SORT1: variants seen among roughly 807,000 people sequenced by gnomAD.
SORT1 encodes sortilin 1.
SORT1 carries 39 observed loss-of-function variants against 101.7 expected under a neutral mutation model. The observed-to-expected ratio is 0.38, with a 90% confidence interval of 0.30 to 0.50. SORT1 has a LOEUF of 0.50. Among genes scored for constraint, SORT1 ranks in the 20% least tolerant of loss-of-function variants. SORT1 has a pLI of 0.90. For missense variants in SORT1, 878 were observed against 1,040.4 expected, an observed-to-expected ratio of 0.84 and a Z score of 2.15; for synonymous variants, 396 against 393.7, an observed-to-expected ratio of 1.01 and a Z score of -0.07.
intron 1 of SORT1, among the ~76,000 whole-genome samples, chr1:109,382,532 G>A (rs749707635): frequency 5.3e-5 from 8 of 152,156 alleles, no homozygotes; most frequent in Non-Finnish European, 1.2e-4. Context: ...TGAGGCACAG[G>A]AACATAGGTG....
intron 11 of SORT1, among the ~76,000 whole-genome samples, chr1:109,333,051 C>G (rs1325899344): frequency 5.3e-5 from 8 of 152,158 alleles, no homozygotes; most frequent in African/African-American, 1.9e-4. Context: ...CCTCAGTCTC[C>G]CAAGTAGCTG....
In SORT1 at chr1:109,349,359, T is replaced by G. The variant is rs60180947; in HGVS notation, c.782+1570A>C. 4.2e-3 allele frequency among the ~76,000 whole-genome samples: 643 copies of G among 151,644 alleles called. 7 individuals are homozygous for G. The highest frequency in any genetic ancestry group is 0.014 in the African/African-American group (588 of 41,282). Reference sequence around the variant, plus strand: ...GACTCCGTCTCAAGAAAAAAAAAATTCCTTCCTTCCTGATAAAACTGTATA... The same window carrying G: ...GACTCCGTCTCAAGAAAAAAAAAATGCCTTCCTTCCTGATAAAACTGTATA... On this transcript the variant is annotated intron_variant, in intron 6 of 19. Transcript: ENST00000256637.
chr1:109,322,754 G>C (rs777470112), intron 15 of SORT1, among the ~76,000 whole-genome samples, 178 bp downstream of exon 15: 9 of 152,128 alleles, frequency 5.9e-5, no homozygotes, highest in Non-Finnish European at 1.2e-4. Context: ...TGACCAGGCT[G>C]GTCTCGAACT....
At chr1:109,354,224 C>A (rs1444203055) in intron 5 of SORT1, 143 bp downstream of exon 5, 1 of 584,124 alleles carries the variant, frequency 1.7e-6, no homozygotes, top group Middle Eastern at 4.8e-4. Flanking sequence ...TAGGAAAAAA[C>A]GTCAAAAAAA....
Position 109,378,736 on chromosome 1 carries a change from ATATATATATATATATATATATATAT to A in SORT1, c.307-9172_307-9148del, listed in dbSNP as rs1557822595. Among the ~76,000 whole-genome samples the A allele has an allele frequency of 2.0e-3, 214 of 107,006 alleles. 2 individuals carry two copies. The highest frequency in any genetic ancestry group is 7.8e-3 in the African/African-American group (202 of 26,050). 70.2% of individuals were successfully genotyped at this position (107,006 alleles called of 152,430 possible). ...TATATATATATATATATATATATAT[ATATATATATATATATATATATATAT>A]AAAGATGTTATGTGTTAGTTGTATA... On this transcript the variant is annotated intron_variant, in intron 1 of 19. Transcript: ENST00000256637.
At chr1:109,384,249 A>G (rs1179786203) in intron 1 of SORT1, among the ~76,000 whole-genome samples, 1 of 152,218 alleles carries the variant, frequency 6.6e-6, no homozygotes, top group South Asian at 2.1e-4. Flanking sequence ...ACTATCATGC[A>G]TTAAAAATCT....
At chr1:109,332,704 T>C (rs950567243) in intron 11 of SORT1, among the ~76,000 whole-genome samples, 12 of 152,174 alleles carry the variant, frequency 7.9e-5, no homozygotes, top group African/African-American at 2.9e-4. Context: ...TGCTACCTAA[T>C]TTCAAAATAT....
chr1:109,325,638 G>A (rs1647956841), intron 13 of SORT1, among the ~76,000 whole-genome samples: 1 of 152,120 alleles, frequency 6.6e-6, no homozygotes, highest in Non-Finnish European at 1.5e-5. Context: ...TTATTTCAAA[G>A]GAAAGACAGG....
At chr1:109,330,735 GA>G (rs997817133) in intron 11 of SORT1, among the ~76,000 whole-genome samples, 1 of 150,276 alleles carries the variant, frequency 6.7e-6, no homozygotes, top group Non-Finnish European at 1.5e-5. Flanking sequence ...ATTAGAATAA[GA>G]AAAAAAGAAA....
chr1:109,338,978 C>T (rs138829699), intron 10 of SORT1, among the ~76,000 whole-genome samples: 210 of 151,984 alleles, frequency 1.4e-3, no homozygotes, highest in African/African-American at 2.1e-3. Context: ...CCCGGGTTCA[C>T]GCCATTCTCC....
intron 11 of SORT1, among the ~76,000 whole-genome samples, chr1:109,332,445 G>T (rs1017300443): frequency 6.6e-6 from 1 of 152,154 alleles, no homozygotes; most frequent in Middle Eastern, 3.2e-3. Flanking sequence ...TTAGACAGGT[G>T]TGGTGGTACA....
chr1:109,376,853 T>C (rs1249041589), intron 1 of SORT1, among the ~76,000 whole-genome samples: 2 of 152,196 alleles, frequency 1.3e-5, no homozygotes, highest in African/African-American at 4.8e-5. Context: ...GTAACAAACC[T>C]GCACATGTAC....
chr1:109,364,274 G>A (rs974800814), intron 3 of SORT1, among the ~76,000 whole-genome samples: 36 of 152,302 alleles, frequency 2.4e-4, no homozygotes, highest in African/African-American at 8.4e-4. Flanking sequence ...TGACATGGCA[G>A]TATTGGTTCT....
At chr1:109,355,136 C>T (rs1368706020) in intron 4 of SORT1, among the ~76,000 whole-genome samples, 1 of 152,034 alleles carries the variant, frequency 6.6e-6, no homozygotes, top group Non-Finnish European at 1.5e-5. Flanking sequence ...TGGGAGGATC[C>T]CTTGAGCCTG....
chr1:109,318,668 CTTTT>C (rs948141507), intron 15 of SORT1, among the ~76,000 whole-genome samples: 4 of 151,124 alleles, frequency 2.6e-5, no homozygotes, highest in Admixed American at 6.6e-5. Flanking sequence ...CCCCTCCCCG[CTTTT>C]TTTTTGAGAC....
At chr1:109,347,561 A>T (rs1649685211) in intron 6 of SORT1, 29 bp from the exon 7 acceptor site, 2 of 1,546,560 alleles carry the variant, frequency 1.3e-6, no homozygotes, top group South Asian at 2.2e-5. Flanking sequence ...AGGGAAAAGA[A>T]ATGGTTTAAG....
At position 109,397,887 on chromosome 1, in the gene SORT1, C is replaced by G. The variant is rs1235325101; in HGVS notation, c.6G>C (p.Glu2Asp). The change falls in exon 1 of 20, where the codon GAG (glutamate) becomes GAC (aspartate). Residue 2 changes from glutamate (E) to aspartate (D), a missense_variant. Coordinates refer to ENST00000256637, the MANE Select transcript of SORT1 (RefSeq NM_002959.7). M[E>D]RPWGAADGLS... Reference sequence around the variant, plus strand: ...GGCCGTCCGCAGCTCCCCAGGGCCGCTCCATCGCCGCCGAATGCCGCCGAC... The same window carrying G: ...GGCCGTCCGCAGCTCCCCAGGGCCGGTCCATCGCCGCCGAATGCCGCCGAC... 2 of 1,171,118 alleles carry G rather than the reference C, an allele frequency of 1.7e-6. No homozygotes were observed. Among genetic ancestry groups the G allele is most frequent in the Admixed American group, 4.5e-5 (1 of 22,000 alleles). The allele number at this position is 1,171,118 out of a possible 1,614,324, so 72.5% of individuals were successfully genotyped here.
At chr1:109,326,736 A>G (rs562305067) in intron 13 of SORT1, 125 of 281,514 alleles carry the variant, frequency 4.4e-4, no homozygotes, top group Non-Finnish European at 6.8e-4. Context: ...GATTACAGGC[A>G]TGAGCCACTG....
At chr1:109,340,924 CA>C in intron 9 of SORT1, 45 bp from the exon 10 acceptor site, 1 of 1,512,828 alleles carries the variant, frequency 6.6e-7, no homozygotes, top group Non-Finnish European at 8.9e-7. Context: ...TGGGTGGAAC[CA>C]AAGAGAAAAA....
Sources: gnomAD v4.1 joint callset for allele counts (sites outside exome capture counted in the v4.1 genomes callset) on GRCh38, gnomAD v4.1.1 for gene constraint, MANE v1.5 for transcripts, NCBI Gene and HGNC (gene_info 2026-07-23, HGNC 2026-07-21) for gene names.